Variants in LMX1A observed in about 807,000 individuals in gnomAD.
LMX1A encodes LIM homeobox transcription factor 1 alpha.
A neutral mutation model predicts 49.1 loss-of-function variants in LMX1A; 15 were observed. The ratio of observed to expected loss-of-function variants is 0.31; its 90% CI spans 0.20 to 0.47. The LOEUF is 0.47. Among genes scored for constraint, LMX1A ranks in the 20% least tolerant of loss-of-function variants. The pLI is 1.00. For synonymous variants in LMX1A, 167 were observed against 185.7 expected (o/e 0.90, Z 0.82); for missense variants, 372 against 475.8 (o/e 0.78, Z 2.03).
chr1:165,304,962 C>A (rs1654882066), intron 3 of LMX1A, among the ~76,000 whole-genome samples: 1 of 152,208 alleles, frequency 6.6e-6, no homozygotes. Flanking sequence ...CTACCTCATG[C>A]TCCAGTTATA....
chr1:165,348,187 A>T (rs905163102), intron 3 of LMX1A, among the ~76,000 whole-genome samples: 1 of 152,212 alleles, frequency 6.6e-6, no homozygotes, highest in Non-Finnish European at 1.5e-5. Flanking sequence ...ACTTTTAAAA[A>T]TGTGTTCCAT....
chr1:165,354,706 A>G (rs1042796204), intron 2 of LMX1A, among the ~76,000 whole-genome samples: 6 of 152,222 alleles, frequency 3.9e-5, no homozygotes, highest in Non-Finnish European at 5.9e-5. Flanking sequence ...AAAGGACAGA[A>G]GGAAAACTCC....
chr1:165,256,175 A>G (rs1265161666), intron 3 of LMX1A, among the ~76,000 whole-genome samples: 1 of 151,982 alleles, frequency 6.6e-6, no homozygotes, highest in East Asian at 1.9e-4. Context: ...CCCTCTCTCC[A>G]CCAAATCGGA....
At chr1:165,337,886 T>TGTGTGTGTGTG (rs1553213775) in intron 3 of LMX1A, among the ~76,000 whole-genome samples, 13 of 20,806 alleles carry the variant, frequency 6.2e-4, no homozygotes, top group African/African-American at 1.3e-3. Flanking sequence ...GTGTGTGTGT[T>TGTGTGTGTGTG]TCTGTGTGTG....
chr1:165,281,740 GTGTGTA>G (rs1000490614), intron 3 of LMX1A, among the ~76,000 whole-genome samples: 31 of 142,910 alleles, frequency 2.2e-4, no homozygotes, highest in African/African-American at 7.5e-4. Flanking sequence ...TTGTGTGTGT[GTGTGTA>G]TGTGTGTGTG....
intron 3 of LMX1A, among the ~76,000 whole-genome samples, chr1:165,290,899 C>G (rs1654450179): frequency 6.6e-6 from 1 of 152,154 alleles, no homozygotes; most frequent in Non-Finnish European, 1.5e-5. Context: ...CCAGGTGATT[C>G]TGATGCACAT....
At chr1:165,266,893 G>A (rs1259479779) in intron 3 of LMX1A, among the ~76,000 whole-genome samples, 1 of 150,606 alleles carries the variant, frequency 6.6e-6, no homozygotes, top group Admixed American at 6.7e-5. Flanking sequence ...GAGCCACTGT[G>A]CCCGGCTTGC....
At chr1:165,319,951 C>G (rs1250020128) in intron 3 of LMX1A, among the ~76,000 whole-genome samples, 1 of 152,202 alleles carries the variant, frequency 6.6e-6, no homozygotes, top group Non-Finnish European at 1.5e-5. Context: ...GGACCACCAG[C>G]TTTGTCAGGG....
chr1:165,234,285 C>T (rs1260452536), intron 4 of LMX1A, among the ~76,000 whole-genome samples: 3 of 152,190 alleles, frequency 2.0e-5, no homozygotes, highest in East Asian at 3.9e-4. Flanking sequence ...TTCATTTCAT[C>T]GCCGGCAAGT....
At chr1:165,326,794 T>C (rs1473270565) in intron 3 of LMX1A, among the ~76,000 whole-genome samples, 1 of 152,218 alleles carries the variant, frequency 6.6e-6, no homozygotes, top group Non-Finnish European at 1.5e-5. Flanking sequence ...TTTGTATCAC[T>C]ATGCCCCTGT....
chr1:165,341,964 C>T (rs1436938464), intron 3 of LMX1A, among the ~76,000 whole-genome samples: 1 of 152,170 alleles, frequency 6.6e-6, no homozygotes, highest in African/African-American at 2.4e-5. Context: ...AAGTACATTC[C>T]AGTTGCTCAT....
At chr1:165,265,288 T>A (rs562259876) in intron 3 of LMX1A, among the ~76,000 whole-genome samples, 3 of 152,004 alleles carry the variant, frequency 2.0e-5, no homozygotes, top group Admixed American at 6.5e-5. Context: ...CAAGTTACAA[T>A]TGCAAAAATA....
At chr1:165,341,314 C>G (rs1385971664) in intron 3 of LMX1A, among the ~76,000 whole-genome samples, 2 of 152,142 alleles carry the variant, frequency 1.3e-5, no homozygotes, top group East Asian at 3.9e-4. Context: ...TCCATTTGCA[C>G]ATGTTTCTTC....
At chr1:165,287,769 A>T (rs1243986704) in intron 3 of LMX1A, among the ~76,000 whole-genome samples, 1 of 152,354 alleles carries the variant, frequency 6.6e-6, no homozygotes, top group Non-Finnish European at 1.5e-5. Context: ...TTGCTAAAAA[A>T]AAATAAAATT....
At chr1:165,314,165 G>C (rs1460282569) in intron 3 of LMX1A, among the ~76,000 whole-genome samples, 1 of 152,200 alleles carries the variant, frequency 6.6e-6, no homozygotes, top group Admixed American at 6.5e-5. Flanking sequence ...CCATTTGTAT[G>C]GAACATTCCT....
intron 3 of LMX1A, among the ~76,000 whole-genome samples, chr1:165,316,763 A>C (rs1301689388): frequency 6.6e-6 from 1 of 152,146 alleles, no homozygotes; most frequent in Non-Finnish European, 1.5e-5. Context: ...CTTTTACAGC[A>C]CAAGACAAAA....
chr1:165,329,948 A>G (rs1481697032), intron 3 of LMX1A, among the ~76,000 whole-genome samples: 1 of 152,252 alleles, frequency 6.6e-6, no homozygotes, highest in Non-Finnish European at 1.5e-5. Flanking sequence ...TCTGCCACTC[A>G]TTAGCAATGT....
chr1:165,283,285 A>G (rs138763166), intron 3 of LMX1A, among the ~76,000 whole-genome samples: 282 of 152,336 alleles, frequency 1.9e-3, no homozygotes, highest in African/African-American at 6.7e-3. Context: ...CACAGCCTAA[A>G]TGTGTAGTAG....
At chr1:165,302,748 G>A (rs1378155432) in intron 3 of LMX1A, among the ~76,000 whole-genome samples, 1 of 152,178 alleles carries the variant, frequency 6.6e-6, no homozygotes, top group Non-Finnish European at 1.5e-5. Context: ...AATGACCCTA[G>A]GACAATCATC....
Sources: gnomAD v4.1 joint callset for allele counts (sites outside exome capture counted in the v4.1 genomes callset) on GRCh38, gnomAD v4.1.1 for gene constraint, MANE v1.5 for transcripts, NCBI Gene and HGNC (gene_info 2026-07-23, HGNC 2026-07-21) for gene names.